Variants in DDR2 observed in about 807,000 individuals in gnomAD.
DDR2 encodes discoidin domain receptor tyrosine kinase 2.
In DDR2, 27 loss-of-function variants were observed where a neutral mutation model predicts 94.9. That is an observed-to-expected ratio of 0.28 (90% CI 0.21 to 0.39). The LOEUF (loss-of-function observed/expected upper bound fraction) is 0.39, where lower values mean the gene tolerates loss of function less well. Among genes scored for constraint, DDR2 ranks in the 10% least tolerant of loss-of-function variants. The probability of loss-of-function intolerance (pLI) is 1.00; values close to 1 mark genes in which losing one functional copy is unlikely to be tolerated. For synonymous variants in DDR2, 382 were observed against 377.2 expected (o/e 1.01, Z -0.15); for missense variants, 783 against 1,076.0 (o/e 0.73, Z 3.81).
At chr1:162,663,452 C>T (rs186335023) in intron 2 of DDR2, among the ~76,000 whole-genome samples, 3 of 152,222 alleles carry the variant, frequency 2.0e-5, no homozygotes, top group Admixed American at 1.3e-4. Context: ...GGATTTGTTG[C>T]AAAATATTGG....
chr1:162,636,991 A>T (rs1194594016), intron 1 of DDR2, among the ~76,000 whole-genome samples: 1 of 151,660 alleles, frequency 6.6e-6, no homozygotes, highest in South Asian at 2.1e-4. Flanking sequence ...GTGGTGATTT[A>T]AAAAAAAATC....
At position 162,691,429 on chromosome 1, in the gene DDR2, A is replaced by C. The variant is rs10917586; in HGVS notation, c.-27-27608A>C. Among the ~76,000 whole-genome samples the C allele has an allele frequency of 5.4e-3, 825 of 152,330 alleles. 10 individuals are homozygous for C. Among genetic ancestry groups the C allele is most frequent in the African/African-American group, 0.019 (780 of 41,580 alleles). ...TGCAACCTACTGTCTGGTTGTACTG[A>C]AGGAGCAGAGAGCAGGATTCTCATA... On this transcript the variant is annotated intron_variant, in intron 2 of 17. Coordinates refer to ENST00000367921, the MANE Select transcript of DDR2 (RefSeq NM_006182.4).
chr1:162,652,383 A>G (rs1657742632), intron 1 of DDR2, among the ~76,000 whole-genome samples: 1 of 152,190 alleles, frequency 6.6e-6, no homozygotes, highest in South Asian at 2.1e-4. Flanking sequence ...GTGGGGAGGA[A>G]TGTAGGAAAG....
Position 162,785,598 on chromosome 1 carries a change from T to C in DDR2, c.*5352T>C, listed in dbSNP as rs1167759524. 2 of 152,222 alleles carry C rather than the reference T, an allele frequency of 1.3e-5. No homozygotes were observed. The highest frequency in any genetic ancestry group is 4.8e-5 in the African/African-American group (2 of 41,462). 9.4% of individuals were successfully genotyped at this position (152,222 alleles called of 1,614,324 possible). On this transcript the variant is annotated 3_prime_UTR_variant, in exon 18 of 18. Transcript: ENST00000367921. ...TTATAACAATGTGTGTCTTACTAAG[T>C]TTCTAGGTCATTGTGAGCACTTGAT... is the stretch of plus-strand genomic sequence containing the variant.
intron 2 of DDR2, among the ~76,000 whole-genome samples, chr1:162,714,667 A>G (rs1382685322): frequency 2.0e-5 from 3 of 152,076 alleles, no homozygotes; most frequent in African/African-American, 7.2e-5. Context: ...TTTCTGTTAC[A>G]TTACTCTATT....
chr1:162,663,374 T>TA (rs1157901821), intron 2 of DDR2, among the ~76,000 whole-genome samples: 1 of 152,158 alleles, frequency 6.6e-6, no homozygotes, highest in East Asian at 1.9e-4. Context: ...GGCTACCCCT[T>TA]AAAAAACCTA....
chr1:162,664,830 C>G (rs1658469384), intron 2 of DDR2, among the ~76,000 whole-genome samples: 1 of 152,114 alleles, frequency 6.6e-6, no homozygotes, highest in South Asian at 2.1e-4. Context: ...TATTTGTTGA[C>G]AGAATGCATT....
chr1:162,732,267 C>T (rs140444461), intron 3 of DDR2, among the ~76,000 whole-genome samples: 3 of 152,306 alleles, frequency 2.0e-5, no homozygotes, highest in Non-Finnish European at 2.9e-5. Flanking sequence ...TCTTGGCCCC[C>T]CTGTGGAATC....
At chr1:162,751,841 TTTGTAGGGACA>T (rs1402074817) in intron 3 of DDR2, among the ~76,000 whole-genome samples, 1 of 152,220 alleles carries the variant, frequency 6.6e-6, no homozygotes, top group African/African-American at 2.4e-5. Flanking sequence ...GTTCTTGTCC[TTTGTAGGGACA>T]TGGATAAAGA....
At position 162,754,731 on chromosome 1, in the gene DDR2, C is replaced by T. The variant is rs770752518; in HGVS notation, c.293C>T (p.Thr98Ile). ...GACTTGCACACCCTCCATTTTATCA[C>T]TCTGGTGGGGACCCAGGGGCGCCAT... ...QIDLHTLHFITLVGTQGRHAG... is the reference protein window; with the variant it reads ...QIDLHTLHFIILVGTQGRHAG... Residue 98 changes from threonine to isoleucine, a missense_variant, in exon 5 of 18, where the codon ACT (threonine) becomes ATT (isoleucine). Transcript: ENST00000367921. 87 of 1,614,038 alleles carry T rather than the reference C, an allele frequency of 5.4e-5. No homozygotes were observed. The highest frequency in any genetic ancestry group is 7.0e-5 in the Non-Finnish European group (83 of 1,180,028).
rs953292325 is a variant in DDR2 at position 162,759,930 on chromosome 1, T to C, written c.806T>C (p.Ile269Thr). ...AACGAGAGTGCCACCAATGGCTACA[T>C]TGAGATCATGTTTGAATTTGACCGC... is the stretch of plus-strand genomic sequence containing the variant. ...WRNESATNGYIEIMFEFDRIR... is the reference protein window; with the variant it reads ...WRNESATNGYTEIMFEFDRIR... The change falls in exon 8 of 18, where the codon ATT becomes ACT. Residue 269 changes from isoleucine (I) to threonine (T), a missense_variant. This residue lies in a region of DDR2 where 519 missense variants were observed against 647.9 expected (regional missense o/e 0.80). Transcript: ENST00000367921. 9 of 1,614,034 alleles carry C rather than the reference T, an allele frequency of 5.6e-6. No individual in the cohort carries two copies. The African/African-American group carries it at 6.7e-5, about 12-fold the overall frequency.
At chr1:162,739,892 T>A (rs1662505194) in intron 3 of DDR2, among the ~76,000 whole-genome samples, 1 of 151,562 alleles carries the variant, frequency 6.6e-6, no homozygotes, top group Non-Finnish European at 1.5e-5. Context: ...GTGGATGGAC[T>A]GAATACAGGG....
At chr1:162,697,527 T>G (rs1428958728) in intron 2 of DDR2, among the ~76,000 whole-genome samples, 1 of 152,224 alleles carries the variant, frequency 6.6e-6, no homozygotes, top group Non-Finnish European at 1.5e-5. Flanking sequence ...ATGGGCTTTT[T>G]GTTTGCTTTG....
chr1:162,668,975 A>G (rs1203653111), intron 2 of DDR2, among the ~76,000 whole-genome samples: 3 of 152,234 alleles, frequency 2.0e-5, no homozygotes, highest in African/African-American at 7.2e-5. Flanking sequence ...GAAATCTGGC[A>G]GCGGAGTCAG....
intron 2 of DDR2, among the ~76,000 whole-genome samples, chr1:162,708,706 A>G (rs1229617399): frequency 6.6e-6 from 1 of 152,122 alleles, no homozygotes; most frequent in Non-Finnish European, 1.5e-5. Flanking sequence ...AGGCAGCATC[A>G]CTCACAGGAT....
chr1:162,695,285 G>A (rs10737486), intron 2 of DDR2, among the ~76,000 whole-genome samples: 104,412 of 151,996 alleles, frequency 0.69, 37,522 homozygotes, highest in Middle Eastern at 0.86. Context: ...AGGCTAGAGT[G>A]CAGTGGTGCG....
intron 3 of DDR2, among the ~76,000 whole-genome samples, chr1:162,747,544 G>A (rs548468372): frequency 9.9e-5 from 15 of 152,276 alleles, no homozygotes; most frequent in South Asian, 2.1e-4. Context: ...TGAAAGTGAC[G>A]GGGAGAATGG....
Position 162,718,393 on chromosome 1 carries a change from G to A in DDR2, c.-27-644G>A, listed in dbSNP as rs116039075. On this transcript the variant is annotated intron_variant, in intron 2 of 17. Transcript: ENST00000367921. The stretch of plus-strand genomic sequence containing the variant: ...GTCATTGCCTCTAGGCCTTTTCAGC[G>A]GATGGAACATATGTGTGTATACTAA... 2.0e-3 allele frequency among the ~76,000 whole-genome samples: 304 copies of A among 152,188 alleles called. 1 individual carries two copies. The highest frequency in any genetic ancestry group is 6.9e-3 in the African/African-American group (286 of 41,526).
upstream of DDR2, among the ~76,000 whole-genome samples, chr1:162,631,070 G>A (rs1656534696): frequency 6.6e-6 from 1 of 152,060 alleles, no homozygotes; most frequent in East Asian, 1.9e-4. Flanking sequence ...ACAGCTGTGA[G>A]GCACAGATGT....
Sources: allele counts gnomAD v4.1 joint callset (sites outside exome capture counted in the v4.1 genomes callset), GRCh38; gene constraint gnomAD v4.1.1; regional missense constraint gnomAD v4.1.1; transcripts MANE v1.5; gene names NCBI Gene and HGNC (gene_info 2026-07-23, HGNC 2026-07-21).